Variants in RASSF3 observed in about 807,000 individuals in gnomAD.
RASSF3 encodes the protein Ras association domain family member 3.
RASSF3 carries 19 observed loss-of-function variants against 19.9 expected under a neutral mutation model. The observed-to-expected ratio is 0.96, with a 90% CI of 0.67 to 1.40. The LOEUF (loss-of-function observed/expected upper bound fraction) is 1.40. Among genes scored for constraint, RASSF3 ranks in the 40% most tolerant of loss-of-function variants. RASSF3 has a pLI of 0.00. For missense variants in RASSF3, 306 were observed against 289.8 expected (o/e 1.06, Z -0.41); for synonymous variants, 110 against 104.2 (o/e 1.06, Z -0.34).
At chr12:64,512,374 C>T (rs879564783) in intron 1 of RASSF3, among the ~76,000 whole-genome samples, 1 of 151,944 alleles carries the variant, frequency 6.6e-6, no homozygotes, top group Non-Finnish European at 1.5e-5. Context: ...TCCTAACTAC[C>T]CAGGAGGCAG....
intron 1 of RASSF3, among the ~76,000 whole-genome samples, chr12:64,518,122 T>TA (rs1056423327): frequency 3.3e-5 from 5 of 152,152 alleles, no homozygotes; most frequent in Admixed American, 2.6e-4. Flanking sequence ...ATTAAAAAGA[T>TA]AAAAAATTAA....
At position 64,520,227 on chromosome 12, in the gene RASSF3, G is replaced by A. The variant is rs574066557; in HGVS notation, c.169+12898G>A. On this transcript the variant is annotated intron_variant, in intron 1 of 5. Transcript: ENST00000637125. ...TCTGTTGCCCAGGCTGGAGTGCAGT[G>A]GTGCAATCTCAGCTCACTCCAACTT... is the stretch of plus-strand genomic sequence containing the variant. 2.0e-5 allele frequency among the ~76,000 whole-genome samples: 3 copies of A among 148,302 alleles called. No homozygotes were observed. The South Asian group carries it at 6.4e-4, about 32-fold the overall frequency.
At chr12:64,653,229 C>T (rs903736782) in intron 1 of RASSF3, among the ~76,000 whole-genome samples, 1 of 152,016 alleles carries the variant, frequency 6.6e-6, no homozygotes, top group Non-Finnish European at 1.5e-5. Flanking sequence ...GCCACCAGGC[C>T]TTGCTAATTT....
intron 1 of RASSF3, among the ~76,000 whole-genome samples, chr12:64,637,209 A>G (rs1871354593): frequency 6.6e-6 from 1 of 152,200 alleles, no homozygotes; most frequent in South Asian, 2.1e-4. Flanking sequence ...GGGGCTGAAT[A>G]GAAAAGGGCA....
chr12:64,570,816 T>C (rs914720323), intron 2 of RASSF3, among the ~76,000 whole-genome samples: 5 of 152,172 alleles, frequency 3.3e-5, no homozygotes, highest in African/African-American at 1.2e-4. Flanking sequence ...GGTTCTGTCA[T>C]CTCAGCGTGG....
In RASSF3 at chr12:64,658,479, C is replaced by T. The variant is rs73321759; in HGVS notation, c.112-26308C>T. On this transcript the variant is annotated intron_variant, in intron 1 of 4. Coordinates refer to ENST00000542104, the MANE Select transcript of RASSF3 (RefSeq NM_178169.4). ...GCTTTGTAAGCATGGTTATGGAGCA[C>T]TGTCTAAACTAGTGAAAGTAAATTT... Among the ~76,000 whole-genome samples the T allele has an allele frequency of 7.0e-3, 1,068 of 152,284 alleles. 15 individuals carry two copies. Among genetic ancestry groups the T allele is most frequent in the African/African-American group, 0.025 (1,029 of 41,558 alleles).
At chr12:64,594,474 A>G (rs1024692283) in intron 2 of RASSF3, among the ~76,000 whole-genome samples, 10 of 152,194 alleles carry the variant, frequency 6.6e-5, no homozygotes, top group Non-Finnish European at 1.3e-4. Context: ...ACAATGTTTT[A>G]TTACTATAAA....
chr12:64,568,297 A>T (rs1042304818), intron 2 of RASSF3, among the ~76,000 whole-genome samples: 3 of 152,040 alleles, frequency 2.0e-5, no homozygotes, highest in Non-Finnish European at 2.9e-5. Flanking sequence ...CCTCCCAAAG[A>T]GCTGGGATTA....
chr12:64,652,022 T>G (rs1484190461), intron 1 of RASSF3, among the ~76,000 whole-genome samples: 3 of 152,208 alleles, frequency 2.0e-5, no homozygotes, highest in East Asian at 1.9e-4. Flanking sequence ...ATATTCTTAT[T>G]TGGAATTATT....
chr12:64,607,514 C>G (rs1453091908), upstream of RASSF3, among the ~76,000 whole-genome samples: 1 of 152,034 alleles, frequency 6.6e-6, no homozygotes, highest in South Asian at 2.1e-4. Flanking sequence ...GGACAACAGG[C>G]ATGTGCCATC....
At chr12:64,662,255 CA>C (rs11331285) in intron 1 of RASSF3, among the ~76,000 whole-genome samples, 105,068 of 140,970 alleles carry the variant, frequency 0.75, 38,397 homozygotes, top group South Asian at 0.83. Flanking sequence ...CCCGTATCTA[CA>C]AAAAAAAAAA....
At chr12:64,543,338 G>A (rs1195933305), downstream of RASSF3, among the ~76,000 whole-genome samples, 1 of 150,974 alleles carries the variant, frequency 6.6e-6, no homozygotes, top group Admixed American at 6.6e-5. Context: ...CGCTGCGCTC[G>A]ATTTCTCGCC....
intron 2 of RASSF3, among the ~76,000 whole-genome samples, chr12:64,556,565 G>A (rs913675744): frequency 6.6e-6 from 1 of 152,050 alleles, no homozygotes; most frequent in Non-Finnish European, 1.5e-5. Context: ...CGTCAGGCTG[G>A]GGGCAGCCTG....
intron 1 of RASSF3, among the ~76,000 whole-genome samples, chr12:64,632,620 G>A (rs1300563884): frequency 6.6e-6 from 1 of 152,130 alleles, no homozygotes; most frequent in Non-Finnish European, 1.5e-5. Flanking sequence ...ATGGAAGGTG[G>A]CTGGGTGGGA....
In RASSF3 at chr12:64,610,543, CG is replaced by C; in HGVS notation, c.-87del. The C allele has an allele frequency of 1.9e-6, 1 of 526,564 alleles. No homozygotes were observed. The highest frequency in any genetic ancestry group is 2.8e-6 in the Non-Finnish European group (1 of 352,512). The allele number at this position is 526,564 out of a possible 1,614,324, so 32.6% of individuals were successfully genotyped here. A position where few individuals can be genotyped will look rare whatever the true frequency, so the allele number is the denominator to read the frequency against. ...ATAAGGACTGCCCGGGGCTGCGCGC[CG>C]GGAACCTCGCGGGGCTGGCGGGCGC... is the stretch of plus-strand genomic sequence containing the variant. On this transcript the variant is annotated 5_prime_UTR_variant, in exon 1 of 5. Coordinates refer to ENST00000542104, the MANE Select transcript of RASSF3 (RefSeq NM_178169.4).
At chr12:64,690,638 G>A (rs1868267060) in intron 3 of RASSF3, among the ~76,000 whole-genome samples, 1 of 151,620 alleles carries the variant, frequency 6.6e-6, no homozygotes, top group Admixed American at 6.6e-5. Context: ...ATTATGCCTG[G>A]CTAGTTAGAA....
At chr12:64,664,229 A>T (rs372918464) in intron 1 of RASSF3, among the ~76,000 whole-genome samples, 1 of 152,314 alleles carries the variant, frequency 6.6e-6, no homozygotes, top group South Asian at 2.1e-4. Context: ...GAAGGTACAG[A>T]GAATAGAGAA....
chr12:64,568,990 G>A (rs143711366), intron 2 of RASSF3, among the ~76,000 whole-genome samples: 32 of 152,316 alleles, frequency 2.1e-4, no homozygotes, highest in African/African-American at 6.7e-4. Context: ...GATTACAGGC[G>A]TGAGCCACTG....
chr12:64,641,421 C>CGCGCGCGCGCGT (rs1871524288), intron 1 of RASSF3, among the ~76,000 whole-genome samples: 1 of 151,586 alleles, frequency 6.6e-6, no homozygotes, highest in African/African-American at 2.4e-5. Context: ...CACACGCGCG[C>CGCGCGCGCGCGT]GCGCGCGTTG....
Sources: allele counts gnomAD v4.1 joint callset (sites outside exome capture counted in the v4.1 genomes callset), GRCh38; gene constraint gnomAD v4.1.1; transcripts MANE v1.5; gene names NCBI Gene and HGNC (gene_info 2026-07-23, HGNC 2026-07-21).